Variants in STAU2 observed in about 807,000 individuals in gnomAD.
The protein encoded by STAU2 is double-stranded RNA-binding protein Staufen homolog 2.
In STAU2, 20 loss-of-function variants were observed where a neutral mutation model predicts 65.9. The ratio of observed to expected loss-of-function variants is 0.30; its 90% CI spans 0.21 to 0.44. The LOEUF (loss-of-function observed/expected upper bound fraction) is 0.44. Among genes scored for constraint, STAU2 ranks in the 20% least tolerant of loss-of-function variants. The pLI, the probability that STAU2 is intolerant of heterozygous loss-of-function variation, is 1.00. For missense variants in STAU2, 558 were observed against 683.9 expected (o/e 0.82, Z 2.05); for synonymous variants, 232 against 233.9 (o/e 0.99, Z 0.07).
chr8:73,470,760 C>T (rs959524173), intron 13 of STAU2, among the ~76,000 whole-genome samples: 1 of 151,976 alleles, frequency 6.6e-6, no homozygotes, highest in Admixed American at 6.5e-5. Flanking sequence ...GCTATGATTG[C>T]ACCACTGTAC....
In STAU2 at chr8:73,421,075, T is replaced by C. The variant is rs1816344582; in HGVS notation, c.*297A>G. 7.1e-6 allele frequency: 2 copies of C among 283,510 alleles called. No homozygotes were observed. The highest frequency in any genetic ancestry group is 1.3e-5 in the Non-Finnish European group (2 of 153,098). The allele number at this position is 283,510 out of a possible 1,614,324, so 17.6% of individuals were successfully genotyped here. On this transcript the variant is annotated 3_prime_UTR_variant, in exon 15 of 15. Coordinates refer to ENST00000524300, the MANE Select transcript of STAU2 (RefSeq NM_001164380.2). ...TAATCATGTTAAAATTTTAGCTTTG[T>C]TTCTAACACTTTTCTTTACTTGTTA...
chr8:73,738,683 C>A (rs2130779109), intron 2 of STAU2, among the ~76,000 whole-genome samples: 1 of 152,318 alleles, frequency 6.6e-6, no homozygotes, highest in East Asian at 1.9e-4. Context: ...TTCTAGACTT[C>A]TAAGACAATC....
intron 4 of STAU2, among the ~76,000 whole-genome samples, chr8:73,705,043 G>GA (rs1360320991): frequency 1.3e-5 from 2 of 152,156 alleles, no homozygotes; most frequent in Non-Finnish European, 2.9e-5. Context: ...TTCAGTGCAG[G>GA]AACAGTGCCT....
intron 12 of STAU2, among the ~76,000 whole-genome samples, chr8:73,570,063 C>T (rs1808930383): frequency 6.6e-6 from 1 of 152,124 alleles, no homozygotes; most frequent in Non-Finnish European, 1.5e-5. Flanking sequence ...GAGCTAAAAA[C>T]CTTGAAAAAA....
intron 12 of STAU2, chr8:73,561,643 A>G (rs558979482): frequency 4.7e-6 from 2 of 425,026 alleles, no homozygotes; most frequent in East Asian, 1.4e-4. Context: ...TGTCTACCGC[A>G]GCAGCTTCCA....
chr8:73,698,810 G>C (rs1819866269), intron 4 of STAU2, among the ~76,000 whole-genome samples: 1 of 151,170 alleles, frequency 6.6e-6, no homozygotes, highest in African/African-American at 2.4e-5. Context: ...AATGGATCTA[G>C]TAGATATTTA....
At chr8:73,603,703 T>C (rs765624310) in intron 10 of STAU2, 23 bp downstream of exon 10, 5 of 1,602,224 alleles carry the variant, frequency 3.1e-6, no homozygotes, top group Middle Eastern at 2.3e-4. Context: ...ATCTTTTCAA[T>C]AGTTTTAAAA....
At chr8:73,468,964 C>T (rs1819816168) in intron 13 of STAU2, among the ~76,000 whole-genome samples, 2 of 144,720 alleles carry the variant, frequency 1.4e-5, no homozygotes, top group South Asian at 4.7e-4. Context: ...AGTATATACC[C>T]AAAGGATTAT....
rs1821612561 is a variant in STAU2 at position 73,720,947 on chromosome 8, C to T, written c.-17-11785G>A. ...TTCCTAATTCCACTGTAATCAGATA[C>T]AATTTTTTAATGACTTGAATCCTTT... On this transcript the variant is annotated intron_variant, in intron 3 of 14. Transcript: ENST00000524300. 2.0e-5 allele frequency among the ~76,000 whole-genome samples: 3 copies of T among 151,506 alleles called. No homozygotes were observed. The South Asian group carries it at 6.3e-4, about 32-fold the overall frequency.
At chr8:73,581,520 C>G (rs967887537) in intron 12 of STAU2, among the ~76,000 whole-genome samples, 5 of 152,134 alleles carry the variant, frequency 3.3e-5, no homozygotes, top group African/African-American at 9.7e-5. Flanking sequence ...GTGCTAAGTA[C>G]TTTACATAAA....
intron 13 of STAU2, among the ~76,000 whole-genome samples, chr8:73,519,772 T>C (rs1351244509): frequency 6.6e-6 from 1 of 152,228 alleles, no homozygotes; most frequent in African/African-American, 2.4e-5. Flanking sequence ...AAGTGCCTCG[T>C]AAGTGCAAGA....
chr8:73,594,973 A>G (rs759411548), intron 11 of STAU2, among the ~76,000 whole-genome samples, 193 bp downstream of exon 11: 1 of 152,220 alleles, frequency 6.6e-6, no homozygotes, highest in Non-Finnish European at 1.5e-5. Context: ...TGTATTTTCT[A>G]ATCATAAGAT....
At chr8:73,541,419 C>A (rs544746548) in intron 13 of STAU2, among the ~76,000 whole-genome samples, 17 of 152,254 alleles carry the variant, frequency 1.1e-4, no homozygotes, top group Admixed American at 8.5e-4. Context: ...GAAGATAAAG[C>A]TTGCAGTTTT....
At chr8:73,528,663 T>C (rs1290691865) in intron 13 of STAU2, among the ~76,000 whole-genome samples, 1 of 152,202 alleles carries the variant, frequency 6.6e-6, no homozygotes, top group African/African-American at 2.4e-5. Context: ...ATTGGTTTTA[T>C]TAGCTATAAC....
At chr8:73,441,345 G>C (rs1818117176) in intron 13 of STAU2, 1 of 152,016 alleles carries the variant, frequency 6.6e-6, no homozygotes, top group Non-Finnish European at 1.5e-5. Flanking sequence ...TTTGAGACCA[G>C]CCTGGTCAAC....
chr8:73,664,811 T>C (rs1047867607), intron 6 of STAU2, among the ~76,000 whole-genome samples: 1 of 151,900 alleles, frequency 6.6e-6, no homozygotes, highest in African/African-American at 2.4e-5. Flanking sequence ...GGCAACATGT[T>C]GAAACCCTGT....
chr8:73,518,726 T>A (rs1029217636), intron 13 of STAU2, among the ~76,000 whole-genome samples: 4 of 152,210 alleles, frequency 2.6e-5, no homozygotes, highest in Non-Finnish European at 5.9e-5. Context: ...TAGTCTATTA[T>A]TTAGATAGAA....
At chr8:73,462,348 C>A (rs955313638) in intron 13 of STAU2, among the ~76,000 whole-genome samples, 2 of 151,904 alleles carry the variant, frequency 1.3e-5, no homozygotes, top group East Asian at 1.9e-4. Context: ...AAGATCCACC[C>A]GCCTTGGCCT....
intron 6 of STAU2, among the ~76,000 whole-genome samples, chr8:73,654,827 C>T (rs1233810846): frequency 6.6e-6 from 1 of 151,102 alleles, no homozygotes; most frequent in Non-Finnish European, 1.5e-5. Context: ...GCTGGGACTA[C>T]AGGCGCGCGC....
Sources: gnomAD v4.1 joint callset for allele counts (sites outside exome capture counted in the v4.1 genomes callset) on GRCh38, gnomAD v4.1.1 for gene constraint, MANE v1.5 for transcripts, NCBI Gene and HGNC (gene_info 2026-07-23, HGNC 2026-07-21) for gene names.